Variants in SPTBN1 observed in about 807,000 individuals in gnomAD.
The protein encoded by SPTBN1 is spectrin beta, non-erythrocytic 1.
Under a neutral mutation model 266.4 loss-of-function variants are expected in SPTBN1, and 32 were observed. That is an observed-to-expected ratio of 0.12 (90% CI 0.09 to 0.16). The LOEUF is 0.16. SPTBN1 is among the 10% of genes least tolerant of loss of function. The pLI, the probability that SPTBN1 is intolerant of heterozygous loss-of-function variation, is 1.00. For synonymous variants in SPTBN1, 1,336 were observed against 1,162.2 expected (o/e 1.15, Z -3.04); for missense variants, 2,296 against 3,067.1 (o/e 0.75, Z 5.94).
rs576283486 is a variant in SPTBN1, at chr2:54,664,911, A to G, written c.6659+220A>G. ...GAGTTGAGTTTGGATGGGAGTAGCT[A>G]GAAGGGGCTTTAGTAGTTCATCTAG... On this transcript the variant is annotated intron_variant, in intron 33 of 35. Coordinates refer to ENST00000356805, the MANE Select transcript of SPTBN1 (RefSeq NM_003128.3). This position sits in a 1 kb window ranked among gnomAD's most constrained non-coding sequence, Gnocchi z 5.6. 20 of 556,674 alleles carry G rather than the reference A, an allele frequency of 3.6e-5. No homozygotes were observed. Among genetic ancestry groups the G allele is most frequent in the Non-Finnish European group, 6.4e-5 (20 of 313,232 alleles). The allele number at this position is 556,674 out of a possible 1,614,324, so 34.5% of individuals were successfully genotyped here.
chr2:54,649,348 C>G lies in SPTBN1; in HGVS notation c.5202+158C>G, dbSNP rs887642459. On this transcript the variant is annotated intron_variant, in intron 25 of 35. Transcript: ENST00000356805. This position sits in a 1 kb window ranked among gnomAD's most constrained non-coding sequence, Gnocchi z 6.7. ...TGGTGTTTCTTTTATAAGCTGGTGA[C>G]TCGCATTTAGGTTGGCTAACCTCTC... 6.6e-6 allele frequency among the ~76,000 whole-genome samples: 1 copy of G among 152,188 alleles called. No homozygotes were observed. Among genetic ancestry groups the G allele is most frequent in the South Asian group, 2.1e-4 (1 of 4,834 alleles).
intron 1 of SPTBN1, among the ~76,000 whole-genome samples, chr2:54,511,585 C>T (rs758187724): frequency 1.3e-3 from 192 of 152,088 alleles, no homozygotes; most frequent in Non-Finnish European, 1.9e-3. Context: ...TAATTCTGGC[C>T]GGACATGGTG....
chr2:54,504,219 G>C (rs1395989129), intron 1 of SPTBN1, among the ~76,000 whole-genome samples: 1 of 152,234 alleles, frequency 6.6e-6, no homozygotes, highest in East Asian at 1.9e-4. Flanking sequence ...AGAGGTTTGT[G>C]TAAACAAAGG....
chr2:54,499,175 T>C (rs1222187927), intron 1 of SPTBN1, among the ~76,000 whole-genome samples: 1 of 152,208 alleles, frequency 6.6e-6, no homozygotes, highest in Non-Finnish European at 1.5e-5. Context: ...GTGATAATTC[T>C]TGGCCTATTT....
At chr2:54,499,199 G>A (rs1289228689) in intron 1 of SPTBN1, among the ~76,000 whole-genome samples, 2 of 152,098 alleles carry the variant, frequency 1.3e-5, no homozygotes, top group Non-Finnish European at 2.9e-5. Flanking sequence ...CTCAATAGTG[G>A]CAATATTAGT....
At chr2:54,619,521 C>A (rs552679149) in intron 7 of SPTBN1, among the ~76,000 whole-genome samples, 1 of 152,174 alleles carries the variant, frequency 6.6e-6, no homozygotes, top group Non-Finnish European at 1.5e-5. Flanking sequence ...GATCACAAGA[C>A]GAGGAGCTAA....
intron 1 of SPTBN1, among the ~76,000 whole-genome samples, chr2:54,462,355 G>T (rs148259854): frequency 6.6e-6 from 1 of 152,126 alleles, no homozygotes; most frequent in African/African-American, 2.4e-5. Context: ...ATTACCAATG[G>T]CATTTATATA....
intron 32 of SPTBN1, chr2:54,662,127 A>G (rs374934676): frequency 1.0e-6 from 1 of 985,240 alleles, no homozygotes; most frequent in African/African-American, 1.7e-5. Flanking sequence ...CAGCCACTAA[A>G]GCACTCTGGA....
chr2:54,664,377 T>A lies in SPTBN1; in HGVS notation c.6421-76T>A. 1 of 1,434,030 alleles carries A rather than the reference T, an allele frequency of 7.0e-7. No individual in the cohort carries two copies. Among genetic ancestry groups the A allele is most frequent in the East Asian group, 2.3e-5 (1 of 43,548 alleles). The allele number at this position is 1,434,030 out of a possible 1,614,324, so 88.8% of individuals were successfully genotyped here. A position where few individuals can be genotyped will look rare whatever the true frequency, so the allele number is the denominator to read the frequency against. On this transcript the variant is annotated intron_variant, in intron 32 of 35. Transcript: ENST00000356805. This position sits in a 1 kb window ranked among gnomAD's most constrained non-coding sequence, Gnocchi z 5.6. Reference sequence around the variant, plus strand: ...CCAGGCATTTATACACAGCCACATGTGCGAGTCAGGTAGAGCGTATGTGGT... The same window carrying A: ...CCAGGCATTTATACACAGCCACATGAGCGAGTCAGGTAGAGCGTATGTGGT...
Position 54,628,928 on chromosome 2 carries a change from A to C in SPTBN1, c.1799-5A>C. 1 of 1,578,636 alleles carries C rather than the reference A, an allele frequency of 6.3e-7. No individual in the cohort carries two copies. Among genetic ancestry groups the C allele is most frequent in the Non-Finnish European group, 8.6e-7 (1 of 1,162,742 alleles). On this transcript the variant is annotated splice_region_variant and splice_polypyrimidine_tract_variant and intron_variant, in intron 13 of 35. Transcript: ENST00000356805. The surrounding 1 kb of genome is among the most constrained non-coding windows in gnomAD (Gnocchi z 4.3). ...CAGCCACGTTCCTTCCTTGATGTTA[A>C]ACAGGTTACAAGCCCTGTGACCCCC...
intron 32 of SPTBN1, chr2:54,660,355 G>A: frequency 8.3e-7 from 1 of 1,205,118 alleles, no homozygotes; most frequent in Non-Finnish European, 1.0e-6. Flanking sequence ...TAATTGAAAT[G>A]AAATTAAATG....
intron 26 of SPTBN1, among the ~76,000 whole-genome samples, chr2:54,650,281 A>G (rs1377271582): frequency 6.6e-6 from 1 of 152,232 alleles, no homozygotes; most frequent in Admixed American, 6.5e-5. Flanking sequence ...TGTTTTTATT[A>G]TGTTAGCATA....
chr2:54,523,885 C>T (rs1297584134), intron 1 of SPTBN1, among the ~76,000 whole-genome samples: 1 of 152,156 alleles, frequency 6.6e-6, no homozygotes, highest in Non-Finnish European at 1.5e-5. Context: ...AAAAACCTGA[C>T]AATAAATTTT....
chr2:54,630,726 AAAAGCATGTAGTC>A, intron 15 of SPTBN1, 116 bp from the exon 16 acceptor site: 1 of 1,189,356 alleles, frequency 8.4e-7, no homozygotes, highest in Non-Finnish European at 1.1e-6. Flanking sequence ...GATTTTCCAA[AAAAGCATGTAGTC>A]AAAGCACAGA....
Position 54,659,997 on chromosome 2 carries a change from CG to C in SPTBN1, c.6420+1del, listed in dbSNP as rs1558480254. 1 of 1,614,168 alleles carries C rather than the reference CG, an allele frequency of 6.2e-7. No individual in the cohort carries two copies. Among genetic ancestry groups the C allele is most frequent in the Admixed American group, 1.7e-5 (1 of 60,012 alleles). ...TTTGCCAGCTGAACAGGGATCTCCA[CG>C]GGTTAGTTACCGCTCTCAAACCTAC... is the stretch of plus-strand genomic sequence containing the variant. ...NGLPAEQGSP[R>X]MAETVDTSEM... is the part of the protein sequence containing the mutation. On this transcript the variant is annotated frameshift_variant and splice_region_variant, in exon 32 of 36. Transcript: ENST00000356805. LOFTEE classifies it high-confidence loss of function.
intron 2 of SPTBN1, among the ~76,000 whole-genome samples, chr2:54,551,582 C>A (rs1199095832): frequency 6.6e-6 from 1 of 152,194 alleles, no homozygotes; most frequent in East Asian, 1.9e-4. Flanking sequence ...CCGTTTTTCT[C>A]CTCAGCAGTG....
At chr2:54,602,673 C>CT (rs1401512159) in intron 3 of SPTBN1, among the ~76,000 whole-genome samples, 1 of 152,170 alleles carries the variant, frequency 6.6e-6, no homozygotes, top group African/African-American at 2.4e-5. Context: ...TGTATTCTGT[C>CT]TTCTTACTCC....
Position 54,655,851 on chromosome 2 carries a change from A to T in SPTBN1, c.5962-63A>T. The T allele has an allele frequency of 1.6e-6, 2 of 1,261,386 alleles. 1 individual carries two copies. The highest frequency in any genetic ancestry group is 2.5e-5 in the South Asian group (2 of 79,888). 78.1% of individuals were successfully genotyped at this position (1,261,386 alleles called of 1,614,324 possible). A position where few individuals can be genotyped will look rare whatever the true frequency, so the allele number is the denominator to read the frequency against. On this transcript the variant is annotated intron_variant, in intron 28 of 35. Coordinates refer to ENST00000356805, the MANE Select transcript of SPTBN1 (RefSeq NM_003128.3). ...AAATGTATTTTTCTAGTATAAAATG[A>T]CCCCATCAAGAGGATGTGGTGCATT...
chr2:54,465,120 A>G (rs895962814), intron 1 of SPTBN1, among the ~76,000 whole-genome samples: 7 of 152,204 alleles, frequency 4.6e-5, no homozygotes, highest in African/African-American at 1.7e-4. Context: ...AAATCCAGCG[A>G]TTGTTATATC....
Sources: gnomAD v4.1 joint callset for allele counts (sites outside exome capture counted in the v4.1 genomes callset) on GRCh38, gnomAD v4.1.1 for gene constraint, Gnocchi (gnomAD v3.1) non-coding constraint, MANE v1.5 for transcripts, NCBI Gene and HGNC (gene_info 2026-07-23, HGNC 2026-07-21) for gene names.